The following NFATC3 variants were observed in gnomAD, a reference collection of about 807,000 sequenced individuals.
NFATC3 encodes the protein nuclear factor of activated T-cells, cytoplasmic 3.
A neutral mutation model predicts 98.6 loss-of-function variants in NFATC3; 46 were observed. That is an observed-to-expected ratio of 0.47 (90% CI 0.37 to 0.60). The LOEUF (loss-of-function observed/expected upper bound fraction) is 0.60. Among genes scored for constraint, NFATC3 ranks in the 20% least tolerant of loss-of-function variants. NFATC3 has a pLI of 0.00. For synonymous variants in NFATC3, 512 were observed against 472.2 expected, an observed-to-expected ratio of 1.08 and a Z score of -1.09; for missense variants, 1,256 against 1,295.5, an observed-to-expected ratio of 0.97 and a Z score of 0.47.
Position 68,102,231 on chromosome 16 carries a change from G to A in NFATC3, c.103+16447G>A, listed in dbSNP as rs764569608. ...CTAAAAATACAAAAAAATTAGCTGG[G>A]TGTGGTGGTGCGTGGCTGTAATCCC... On this transcript the variant is annotated intron_variant, in intron 1 of 9. Coordinates refer to ENST00000346183, the MANE Select transcript of NFATC3 (RefSeq NM_173165.3). Among the ~76,000 whole-genome samples, 3 of 151,974 alleles carry A rather than the reference G, an allele frequency of 2.0e-5. No individual in the cohort carries two copies. The Middle Eastern group carries it at 0.01, about 517-fold the overall frequency.
rs1030320428 is a variant in NFATC3, at chr16:68,227,494, A to C, written c.*1023A>C. The C allele has an allele frequency of 6.6e-6, 1 of 152,236 alleles. No individual in the cohort carries two copies. Among genetic ancestry groups the C allele is most frequent in the Non-Finnish European group, 1.5e-5 (1 of 68,050 alleles). 9.4% of individuals were successfully genotyped at this position (152,236 alleles called of 1,614,324 possible). A position where few individuals can be genotyped will look rare whatever the true frequency, so the allele number is the denominator to read the frequency against. On this transcript the variant is annotated 3_prime_UTR_variant, in exon 10 of 10. Transcript: ENST00000346183. Reference sequence around the variant, plus strand: ...GAGCTAAAGCACAAATGAGCAGTACATCAGCATGGGCAGAGAAAATACAGG... The same window carrying C: ...GAGCTAAAGCACAAATGAGCAGTACCTCAGCATGGGCAGAGAAAATACAGG...
At chr16:68,114,706 C>G (rs1341483875) in intron 1 of NFATC3, among the ~76,000 whole-genome samples, 1 of 151,750 alleles carries the variant, frequency 6.6e-6, no homozygotes, top group Admixed American at 6.6e-5. Context: ...TCCCAAGTAG[C>G]TGGGATTACA....
In NFATC3 at chr16:68,226,918, A is replaced by AAAAAAAAAAAAAAAAAAAAG. The variant is rs2042050120; in HGVS notation, c.*452_*453insAAAAAAAAAAAAAAGAAAAA. On this transcript the variant is annotated 3_prime_UTR_variant, in exon 10 of 10. Transcript: ENST00000346183. ...GAAGCAAAAAAAAAAAAAAAAAAAA[A>AAAAAAAAAAAAAAAAAAAAG]AAAAAGAAAAAAAAAGAAAAGAAAA... 1.7e-5 allele frequency: 2 copies of AAAAAAAAAAAAAAAAAAAAG among 117,312 alleles called. No individual in the cohort carries two copies. The highest frequency in any genetic ancestry group is 2.6e-5 in the African/African-American group (1 of 38,094). The allele number at this position is 117,312 out of a possible 1,614,324, so 7.3% of individuals were successfully genotyped here.
At chr16:68,200,753 T>G (rs1488055121) in intron 9 of NFATC3, 2 of 152,358 alleles carry the variant, frequency 1.3e-5, no homozygotes, top group African/African-American at 2.4e-5. Flanking sequence ...TTGAAAAGCA[T>G]GTTCTGTGGC....
chr16:68,086,463 C>A (rs1011363561), intron 1 of NFATC3, among the ~76,000 whole-genome samples: 7 of 151,376 alleles, frequency 4.6e-5, no homozygotes, highest in African/African-American at 1.7e-4. Flanking sequence ...AAAGAAAAAT[C>A]TCTCCTTGGA....
At chr16:68,118,993 G>T (rs1238048347) in intron 1 of NFATC3, among the ~76,000 whole-genome samples, 2 of 152,008 alleles carry the variant, frequency 1.3e-5, no homozygotes, top group Non-Finnish European at 1.5e-5. Flanking sequence ...TCAGCCTCCC[G>T]AGCAGCTGGG....
At chr16:68,127,448 A>G (rs1347794542) in intron 3 of NFATC3, among the ~76,000 whole-genome samples, 1 of 152,138 alleles carries the variant, frequency 6.6e-6, no homozygotes, top group Admixed American at 6.6e-5. Flanking sequence ...GCACTTTGTG[A>G]TGCTGAGGCA....
chr16:68,190,549 A>G (rs568280709), intron 8 of NFATC3, among the ~76,000 whole-genome samples: 1 of 152,292 alleles, frequency 6.6e-6, no homozygotes, highest in African/African-American at 2.4e-5. Context: ...CTCTTCCCAA[A>G]GATATTCATA....
chr16:68,119,879 G>A (rs1198576222), intron 1 of NFATC3, among the ~76,000 whole-genome samples: 1 of 152,066 alleles, frequency 6.6e-6, no homozygotes, highest in East Asian at 1.9e-4. Flanking sequence ...AAATTTTTTT[G>A]TTAAATGAAT....
At chr16:68,141,454 C>G (rs1567517688) in intron 3 of NFATC3, among the ~76,000 whole-genome samples, 2 of 152,200 alleles carry the variant, frequency 1.3e-5, no homozygotes. Flanking sequence ...CCCTTTTCAT[C>G]ACATCGATGC....
chr16:68,162,453 T>G (rs2038937449), intron 4 of NFATC3, among the ~76,000 whole-genome samples: 1 of 152,170 alleles, frequency 6.6e-6, no homozygotes, highest in South Asian at 2.1e-4. Context: ...TCAAAATAAT[T>G]TATGCATAAG....
intron 3 of NFATC3, among the ~76,000 whole-genome samples, chr16:68,136,413 GGCAAACC>G: frequency 1.3e-5 from 2 of 152,072 alleles, no homozygotes; most frequent in East Asian, 3.9e-4. Flanking sequence ...GGACTACAGG[GGCAAACC>G]ACCACACCTG....
intron 9 of NFATC3, among the ~76,000 whole-genome samples, chr16:68,217,490 A>G (rs1226412867): frequency 6.7e-6 from 1 of 149,996 alleles, no homozygotes; most frequent in Non-Finnish European, 1.5e-5. Context: ...AAAAAAAAAA[A>G]TCTGGCATGA....
rs1319041477 is a variant in NFATC3 at position 68,106,481 on chromosome 16, G to A, written c.104-15506G>A. Among the ~76,000 whole-genome samples, 10 of 151,834 alleles carry A rather than the reference G, an allele frequency of 6.6e-5. No individual in the cohort carries two copies. In the Middle Eastern group the frequency reaches 0.01, roughly 155 times the overall value. On this transcript the variant is annotated intron_variant, in intron 1 of 9. Coordinates refer to ENST00000346183, the MANE Select transcript of NFATC3 (RefSeq NM_173165.3). ...TAATTTTTGTATGTTTAGTAGAGAC[G>A]GGGTTTCTCCCTGTTGTCCAGGCTG...
chr16:68,128,411 GA>G (rs1352186571), intron 3 of NFATC3, among the ~76,000 whole-genome samples: 1 of 151,842 alleles, frequency 6.6e-6, no homozygotes, highest in Non-Finnish European at 1.5e-5. Context: ...TTTGTTAAAT[GA>G]ATTTATTTCA....
rs1426125270 is a variant in NFATC3, at chr16:68,226,921, AAAG to A, written c.*453_*455del. 31 of 112,376 alleles carry A rather than the reference AAAG, an allele frequency of 2.8e-4. No homozygotes were observed. Among genetic ancestry groups the A allele is most frequent in the South Asian group, 1.0e-3 (3 of 2,862 alleles). The allele number at this position is 112,376 out of a possible 1,614,324, so 7.0% of individuals were successfully genotyped here. A position where few individuals can be genotyped will look rare whatever the true frequency, so the allele number is the denominator to read the frequency against. ...GCAAAAAAAAAAAAAAAAAAAAAAA[AAAG>A]AAAAAAAAAGAAAAGAAAAAAAGAA... is the stretch of plus-strand genomic sequence containing the variant. On this transcript the variant is annotated 3_prime_UTR_variant, in exon 10 of 10. Coordinates refer to ENST00000346183, the MANE Select transcript of NFATC3 (RefSeq NM_173165.3).
In NFATC3 at chr16:68,152,378, C is replaced by CA. The variant is rs34713933; in HGVS notation, c.1402-5468dup. Reference sequence around the variant, plus strand: ...TGGGCAACAGAGCGAGACTCTGTCTCAAAAAAAAAAAAAAAAAAAAAAAGT... The same window carrying CA: ...TGGGCAACAGAGCGAGACTCTGTCTCAAAAAAAAAAAAAAAAAAAAAAAAGT... On this transcript the variant is annotated intron_variant, in intron 3 of 9. Coordinates refer to ENST00000346183, the MANE Select transcript of NFATC3 (RefSeq NM_173165.3). Among the ~76,000 whole-genome samples the CA allele has an allele frequency of 6.5e-3, 493 of 75,538 alleles. 2 individuals are homozygous for CA. Among genetic ancestry groups the CA allele is most frequent in the Non-Finnish European group, 8.1e-3 (311 of 38,522 alleles). The allele number at this position is 75,538 out of a possible 152,430, so 49.6% of individuals were successfully genotyped here.
intron 3 of NFATC3, among the ~76,000 whole-genome samples, chr16:68,152,205 A>T (rs112259167): frequency 0.013 from 1,819 of 143,044 alleles, 38 homozygotes; most frequent in African/African-American, 0.044. Flanking sequence ...TCTACTAAAG[A>T]TACCAAAAAA....
intron 9 of NFATC3, among the ~76,000 whole-genome samples, chr16:68,202,672 C>T (rs2040975999): frequency 6.6e-6 from 1 of 151,944 alleles, no homozygotes; most frequent in Non-Finnish European, 1.5e-5. Flanking sequence ...ATTAGCTGGG[C>T]GTGGTGGTGG....
Sources: gnomAD v4.1 joint callset for allele counts (sites outside exome capture counted in the v4.1 genomes callset) on GRCh38, gnomAD v4.1.1 for gene constraint, MANE v1.5 for transcripts, NCBI Gene and HGNC (gene_info 2026-07-23, HGNC 2026-07-21) for gene names.